The following HIP1 variants were observed in gnomAD, a reference collection of about 807,000 sequenced individuals.
HIP1 encodes the protein huntingtin-interacting protein 1.
HIP1 carries 65 observed loss-of-function variants against 147.6 expected under a neutral mutation model. That is an observed-to-expected ratio of 0.44 (90% CI 0.36 to 0.54). The LOEUF is 0.54. Ranked by LOEUF, HIP1 falls within the 20% of genes least tolerant of loss-of-function variation. The probability of loss-of-function intolerance (pLI) is 0.00; values close to 1 mark genes in which losing one functional copy is unlikely to be tolerated. For missense variants in HIP1, 1,061 were observed against 1,299.6 expected (o/e 0.82, Z 2.82); for synonymous variants, 479 against 504.0 (o/e 0.95, Z 0.67).
In HIP1 at chr7:75,713,796, G is replaced by T. The variant is rs781884303; in HGVS notation, c.120+25005C>A. On this transcript the variant is annotated intron_variant, in intron 1 of 30. Transcript: ENST00000336926. ...ACTGCAACCTCTGCCTGCCTCCCGGGTTCAAGCAATGCTCCTGCCTCAGCC... is the reference window on the plus strand; with the variant it reads ...ACTGCAACCTCTGCCTGCCTCCCGGTTTCAAGCAATGCTCCTGCCTCAGCC... 2.6e-5 allele frequency among the ~76,000 whole-genome samples: 4 copies of T among 151,622 alleles called. No homozygotes were observed. In the East Asian group the frequency reaches 5.9e-4, roughly 22 times the overall value.
chr7:75,709,828 T>C (rs1379700030), intron 1 of HIP1, among the ~76,000 whole-genome samples: 4 of 152,170 alleles, frequency 2.6e-5, no homozygotes, highest in African/African-American at 9.7e-5. Context: ...TGTTAATATA[T>C]AACTTCTATT....
At chr7:75,676,892 T>C (rs1799911975) in intron 1 of HIP1, among the ~76,000 whole-genome samples, 3 of 151,996 alleles carry the variant, frequency 2.0e-5, no homozygotes. Context: ...GCAGCTCTGA[T>C]GTTAAAATAC....
chr7:75,718,788 A>G (rs1554520838), intron 1 of HIP1, among the ~76,000 whole-genome samples: 2 of 152,160 alleles, frequency 1.3e-5, no homozygotes, highest in African/African-American at 4.8e-5. Context: ...CAAGGCCCTC[A>G]ACAAAGGCGG....
chr7:75,582,036 G>C, intron 6 of HIP1, 39 bp downstream of exon 6: 1 of 1,545,600 alleles, frequency 6.5e-7, no homozygotes, highest in Non-Finnish European at 8.9e-7. Flanking sequence ...ATTCACAAAA[G>C]CTTTCTCCCT....
rs1554501681 is a variant in HIP1, at chr7:75,595,248, C to CTT, written c.185-2736_185-2735dup. On this transcript the variant is annotated intron_variant, in intron 2 of 30. Coordinates refer to ENST00000336926, the MANE Select transcript of HIP1 (RefSeq NM_005338.7). ...TCTTTCTTTCTTTCTTTCTTTCTTT[C>CTT]TTTCTTCCTTCCTTCCTTCCTTCCT... Among the ~76,000 whole-genome samples, 405 of 98,790 alleles carry CTT rather than the reference C, an allele frequency of 4.1e-3. 9 individuals are homozygous for CTT. Among genetic ancestry groups the CTT allele is most frequent in the African/African-American group, 0.013 (341 of 25,468 alleles). The allele number at this position is 98,790 out of a possible 152,430, so 64.8% of individuals were successfully genotyped here. A position where few individuals can be genotyped will look rare whatever the true frequency, so the allele number is the denominator to read the frequency against.
At chr7:75,661,616 T>C (rs1554513609) in intron 1 of HIP1, among the ~76,000 whole-genome samples, 1 of 140,574 alleles carries the variant, frequency 7.1e-6, no homozygotes, top group South Asian at 2.3e-4. Flanking sequence ...AAGTAGAAGA[T>C]AAGGGCAGTG....
At chr7:75,727,787 A>G (rs1000905647) in intron 1 of HIP1, among the ~76,000 whole-genome samples, 2 of 150,866 alleles carry the variant, frequency 1.3e-5, no homozygotes, top group Non-Finnish European at 3.0e-5. Flanking sequence ...AGGAGGTTGC[A>G]GTGAGCTGAG....
chr7:75,636,463 C>T (rs916143648), intron 1 of HIP1, among the ~76,000 whole-genome samples: 2 of 152,214 alleles, frequency 1.3e-5, no homozygotes, highest in Non-Finnish European at 2.9e-5. Context: ...CAAGGATGTT[C>T]CTGAAAGGCT....
intron 1 of HIP1, among the ~76,000 whole-genome samples, chr7:75,660,532 C>T (rs573711383): frequency 1.4e-4 from 21 of 151,826 alleles, no homozygotes; most frequent in South Asian, 1.3e-3. Flanking sequence ...GTCTCAAAAA[C>T]GAAAACACAC....
At chr7:75,543,627 G>A (rs1036329560) in intron 27 of HIP1, among the ~76,000 whole-genome samples, 6 of 152,104 alleles carry the variant, frequency 3.9e-5, no homozygotes, top group Non-Finnish European at 7.3e-5. Context: ...GCGAGCCATC[G>A]TGCCCGGCCT....
intron 1 of HIP1, among the ~76,000 whole-genome samples, chr7:75,606,346 GA>G (rs1797222928): frequency 6.6e-6 from 1 of 152,076 alleles, no homozygotes; most frequent in Admixed American, 6.6e-5. Context: ...TTAGGAGGCC[GA>G]GGGGGGCAGA....
intron 1 of HIP1, among the ~76,000 whole-genome samples, chr7:75,710,500 T>C (rs781940170): frequency 6.6e-6 from 1 of 152,232 alleles, no homozygotes; most frequent in Non-Finnish European, 1.5e-5. Context: ...AGCTTTGGTA[T>C]CAGGGTAATC....
intron 7 of HIP1, among the ~76,000 whole-genome samples, chr7:75,574,956 G>A (rs1795792888): frequency 6.7e-6 from 1 of 149,698 alleles, no homozygotes; most frequent in Non-Finnish European, 1.5e-5. Context: ...GCCTGAGTTT[G>A]AGACCAGCCT....
At chr7:75,608,302 G>A (rs933692924) in intron 1 of HIP1, among the ~76,000 whole-genome samples, 5 of 152,074 alleles carry the variant, frequency 3.3e-5, no homozygotes, top group Non-Finnish European at 7.4e-5. Flanking sequence ...GAGAAACTCC[G>A]TCTCAAAAGA....
intron 1 of HIP1, among the ~76,000 whole-genome samples, chr7:75,604,694 A>C (rs587595775): frequency 3.8e-4 from 53 of 138,038 alleles, no homozygotes; most frequent in African/African-American, 1.3e-3. Flanking sequence ...GAAGGAAGGA[A>C]GGAAGGGAGG....
Position 75,592,506 on chromosome 7 carries a change from G to A in HIP1, c.193C>T (p.Leu65=). Residue 65 remains leucine, a synonymous_variant, in exon 3 of 31, where the codon CTG becomes TTG. Coordinates refer to ENST00000336926, the MANE Select transcript of HIP1 (RefSeq NM_005338.7). ...GCCCCTTTCTCATGGTGGGTGCCCAGTATGCACGGTGAGGGGGGGTTATGG... is the reference window on the plus strand; with the variant it reads ...GCCCCTTTCTCATGGTGGGTGCCCAATATGCACGGTGAGGGGGGGTTATGG... ...VKEKHARTCI[L]GTHHEKGAQT... is the part of the protein sequence containing the mutation. 1 of 1,610,648 alleles carries A rather than the reference G, an allele frequency of 6.2e-7. No homozygotes were observed. Among genetic ancestry groups the A allele is most frequent in the Non-Finnish European group, 8.5e-7 (1 of 1,179,290 alleles).
chr7:75,597,771 T>C (rs1269526364), intron 2 of HIP1, among the ~76,000 whole-genome samples: 2 of 143,490 alleles, frequency 1.4e-5, no homozygotes, highest in Admixed American at 1.4e-4. Context: ...CCAACTCTGC[T>C]TGCCCGGAAC....
At chr7:75,734,099 A>G (rs1366346401) in intron 1 of HIP1, among the ~76,000 whole-genome samples, 1 of 151,916 alleles carries the variant, frequency 6.6e-6, no homozygotes, top group Non-Finnish European at 1.5e-5. Context: ...ACAAAAAATT[A>G]GCCGGGCGTG....
At chr7:75,707,632 G>A (rs537170684) in intron 1 of HIP1, among the ~76,000 whole-genome samples, 97 of 151,068 alleles carry the variant, frequency 6.4e-4, no homozygotes, top group Non-Finnish European at 1.2e-3. Context: ...AAAAGAGCCC[G>A]CATCGCCAAG....
Sources: allele counts gnomAD v4.1 joint callset (sites outside exome capture counted in the v4.1 genomes callset), GRCh38; gene constraint gnomAD v4.1.1; transcripts MANE v1.5; gene names NCBI Gene and HGNC (gene_info 2026-07-23, HGNC 2026-07-21).